Variants in SMYD3 observed in about 807,000 individuals in gnomAD.
SMYD3 encodes SET and MYND domain containing 3.
Under a neutral mutation model 57.7 loss-of-function variants are expected in SMYD3, and 36 were observed. The observed-to-expected ratio is 0.62, with a 90% CI of 0.48 to 0.82. The LOEUF is 0.82. Among genes scored for constraint, SMYD3 ranks in the 40% least tolerant of loss-of-function variants. The probability of loss-of-function intolerance (pLI) is 0.00; values close to 1 mark genes in which losing one functional copy is unlikely to be tolerated. For missense variants in SMYD3, 515 were observed against 538.8 expected, an observed-to-expected ratio of 0.96 and a Z score of 0.44; for synonymous variants, 211 against 195.0, an observed-to-expected ratio of 1.08 and a Z score of -0.68.
intron 5 of SMYD3, among the ~76,000 whole-genome samples, chr1:246,072,675 T>A (rs987813271): frequency 1.2e-4 from 19 of 152,250 alleles, no homozygotes; most frequent in Middle Eastern, 3.4e-3. Flanking sequence ...CCAGAGGAGA[T>A]TAGTACATGA....
chr1:246,360,469 C>T (rs534971501), intron 1 of SMYD3, among the ~76,000 whole-genome samples: 3 of 151,936 alleles, frequency 2.0e-5, no homozygotes, highest in East Asian at 3.9e-4. Context: ...AAAATTCATA[C>T]GGAACCAAAA....
intron 5 of SMYD3, among the ~76,000 whole-genome samples, chr1:245,995,328 G>C (rs567736775): frequency 6.6e-6 from 1 of 152,176 alleles, no homozygotes; most frequent in Non-Finnish European, 1.5e-5. Context: ...CCTGAATTCC[G>C]CATTAATTCA....
chr1:246,082,162 G>A (rs2060647418), intron 5 of SMYD3, among the ~76,000 whole-genome samples: 1 of 152,146 alleles, frequency 6.6e-6, no homozygotes, highest in African/African-American at 2.4e-5. Flanking sequence ...TCAGGGACCA[G>A]AGCCGCTTTT....
At chr1:246,227,715 C>A (rs11578316) in intron 5 of SMYD3, among the ~76,000 whole-genome samples, 9,013 of 152,174 alleles carry the variant, frequency 0.059, 436 homozygotes, top group African/African-American at 0.12. Flanking sequence ...GGCTGGAGAA[C>A]TGGGTCCTTT....
chr1:246,310,237 C>T (rs562597177), intron 5 of SMYD3, among the ~76,000 whole-genome samples: 24 of 151,084 alleles, frequency 1.6e-4, no homozygotes, highest in Non-Finnish European at 2.9e-4. Flanking sequence ...TCATAGAGGA[C>T]AAGAGAAATC....
intron 5 of SMYD3, among the ~76,000 whole-genome samples, chr1:246,226,408 C>T (rs920090851): frequency 1.3e-5 from 2 of 152,138 alleles, no homozygotes; most frequent in Non-Finnish European, 2.9e-5. Context: ...TTTATTTAAT[C>T]TACATGAGAC....
intron 10 of SMYD3, among the ~76,000 whole-genome samples, chr1:245,781,133 A>C (rs914274080): frequency 3.9e-5 from 6 of 152,196 alleles, no homozygotes; most frequent in African/African-American, 1.4e-4. Context: ...AAAACTTTGG[A>C]GATACTAGAA....
chr1:246,210,177 T>G (rs1402784009), intron 5 of SMYD3, among the ~76,000 whole-genome samples: 1 of 152,160 alleles, frequency 6.6e-6, no homozygotes, highest in Non-Finnish European at 1.5e-5. Context: ...CTTTTAATGA[T>G]CTGCCCAGGA....
chr1:246,421,015 TC>T, intron 1 of SMYD3, among the ~76,000 whole-genome samples: 1 of 152,180 alleles, frequency 6.6e-6, no homozygotes, highest in Non-Finnish European at 1.5e-5. Context: ...AACTCTAAAC[TC>T]CTCAAATAGC....
At chr1:246,436,444 A>G (rs12021626) in intron 1 of SMYD3, among the ~76,000 whole-genome samples, 48,612 of 152,002 alleles carry the variant, frequency 0.32, 8,058 homozygotes, top group East Asian at 0.37. Flanking sequence ...AAAAGTCACA[A>G]TAATAGCACA....
chr1:246,121,667 C>T (rs76172625), intron 5 of SMYD3, among the ~76,000 whole-genome samples: 12,256 of 152,006 alleles, frequency 0.081, 1,000 homozygotes, highest in African/African-American at 0.19. Flanking sequence ...ATACTGAACC[C>T]GTCTAATGGA....
At chr1:246,428,580 C>T (rs2067252182) in intron 1 of SMYD3, among the ~76,000 whole-genome samples, 1 of 152,226 alleles carries the variant, frequency 6.6e-6, no homozygotes, top group South Asian at 2.1e-4. Context: ...TCTAAAGGTA[C>T]AGAGAGCATC....
chr1:246,373,626 A>G (rs1320105702), intron 1 of SMYD3, among the ~76,000 whole-genome samples: 1 of 152,150 alleles, frequency 6.6e-6, no homozygotes, highest in Non-Finnish European at 1.5e-5. Context: ...ATCATTTCAG[A>G]AAAGAAACCG....
intron 1 of SMYD3, among the ~76,000 whole-genome samples, chr1:246,450,827 C>T (rs1476191605): frequency 3.3e-5 from 5 of 152,166 alleles, no homozygotes; most frequent in East Asian, 1.9e-4. Flanking sequence ...TTAATGATTA[C>T]ATTCCAGTGA....
chr1:246,125,613 G>A (rs189619636), intron 5 of SMYD3, among the ~76,000 whole-genome samples: 28 of 152,216 alleles, frequency 1.8e-4, no homozygotes, highest in African/African-American at 6.3e-4. Context: ...TGAGGACCAC[G>A]ATTTATGAGC....
chr1:246,405,585 C>G (rs775349673), intron 1 of SMYD3, among the ~76,000 whole-genome samples: 1 of 152,000 alleles, frequency 6.6e-6, no homozygotes, highest in Non-Finnish European at 1.5e-5. Flanking sequence ...TATTTTATTT[C>G]ATTGTTTACT....
chr1:246,364,153 TC>T (rs1273623200), intron 1 of SMYD3, among the ~76,000 whole-genome samples: 2 of 148,212 alleles, frequency 1.3e-5, no homozygotes, highest in East Asian at 4.0e-4. Context: ...TGGATTTTAG[TC>T]CCATAAGACT....
chr1:245,969,621 G>A (rs975040069), intron 5 of SMYD3, among the ~76,000 whole-genome samples: 3 of 152,214 alleles, frequency 2.0e-5, no homozygotes, highest in Non-Finnish European at 4.4e-5. Context: ...ACCAAGGGGG[G>A]AAAGGCCAGG....
At chr1:246,285,152 A>G (rs368459767) in intron 5 of SMYD3, among the ~76,000 whole-genome samples, 3 of 152,020 alleles carry the variant, frequency 2.0e-5, no homozygotes, top group African/African-American at 7.2e-5. Context: ...AGTCCATTGT[A>G]TTATTCTTAT....
Sources: allele counts gnomAD v4.1 joint callset (sites outside exome capture counted in the v4.1 genomes callset), GRCh38; gene constraint gnomAD v4.1.1; transcripts MANE v1.5; gene names NCBI Gene and HGNC (gene_info 2026-07-23, HGNC 2026-07-21).